Variants in RASA4 observed in about 807,000 individuals in gnomAD.
RASA4 encodes the protein RAS p21 protein activator 4.
In RASA4, 5 loss-of-function variants were observed where a neutral mutation model predicts 24.0. That is an observed-to-expected ratio of 0.21 (90% CI 0.11 to 0.44). The LOEUF (loss-of-function observed/expected upper bound fraction) is 0.44. Among genes scored for constraint, RASA4 ranks in the 20% least tolerant of loss-of-function variants. RASA4 has a pLI of 0.99. For missense variants in RASA4, 38 were observed against 293.0 expected (o/e 0.13, Z 6.35); for synonymous variants, 9 against 132.7 (o/e 0.07, Z 6.41).
At chr7:102,590,854 C>T (rs1428939199) in intron 16 of RASA4, among the ~76,000 whole-genome samples, 3 of 139,622 alleles carry the variant, frequency 2.1e-5, no homozygotes, top group East Asian at 2.2e-4. Flanking sequence ...GCAGGAGAAT[C>T]GCTTGAACCC....
intron 5 of RASA4, among the ~76,000 whole-genome samples, chr7:102,603,556 T>C (rs1313755519): frequency 2.3e-4 from 35 of 151,756 alleles, no homozygotes; most frequent in African/African-American, 8.3e-4. Context: ...AGTGAGCCAC[T>C]GCACCCTGCC....
intron 16 of RASA4, among the ~76,000 whole-genome samples, chr7:102,591,665 CCT>C (rs768044040): frequency 3.6e-3 from 521 of 144,450 alleles, no homozygotes; most frequent in Middle Eastern, 7.0e-3. Flanking sequence ...GGAAGCCTCC[CCT>C]GTTTGCCCTA....
intron 2 of RASA4, among the ~76,000 whole-genome samples, chr7:102,610,676 G>A (rs1406816505): frequency 8.6e-5 from 13 of 151,902 alleles, no homozygotes; most frequent in African/African-American, 3.1e-4. Flanking sequence ...TGTGACCTTG[G>A]CCAGGGTAGT....
chr7:102,591,678 G>A (rs1200941930), intron 16 of RASA4, among the ~76,000 whole-genome samples: 17 of 146,266 alleles, frequency 1.2e-4, no homozygotes, highest in African/African-American at 4.2e-4. Flanking sequence ...GTTTGCCCTA[G>A]CCTCCTACTC....
At chr7:102,602,968 T>TG (rs1790426135) in intron 5 of RASA4, among the ~76,000 whole-genome samples, 1 of 148,734 alleles carries the variant, frequency 6.7e-6, no homozygotes. Context: ...CTCCAGCTTT[T>TG]TTTTTTTTTT....
chr7:102,590,746 G>A (rs1789941755), intron 16 of RASA4, among the ~76,000 whole-genome samples: 1 of 145,646 alleles, frequency 6.9e-6, no homozygotes, highest in Non-Finnish European at 1.5e-5. Flanking sequence ...TTCGAGACCA[G>A]CCTGACAAAC....
chr7:102,590,729 T>G (rs1174468163), intron 16 of RASA4, among the ~76,000 whole-genome samples: 1 of 145,374 alleles, frequency 6.9e-6, no homozygotes, highest in African/African-American at 2.7e-5. Flanking sequence ...TCACCTGAGG[T>G]TGGGAGTTCG....
chr7:102,591,934 A>G (rs1387737562), intron 16 of RASA4, among the ~76,000 whole-genome samples: 1 of 152,250 alleles, frequency 6.6e-6, no homozygotes, highest in African/African-American at 2.4e-5. Flanking sequence ...CCCAGGTTCA[A>G]GCGATTCCCG....
intron 18 of RASA4, among the ~76,000 whole-genome samples, chr7:102,585,865 T>G (rs879740590): frequency 0.036 from 5,046 of 140,512 alleles, 2 homozygotes; most frequent in African/African-American, 0.12. Flanking sequence ...TTGTTTTTTT[T>G]TTTTTGAGAT....
intron 8 of RASA4, 147 bp downstream of exon 8, chr7:102,599,713 G>A: frequency 3.5e-6 from 1 of 286,568 alleles, no homozygotes; most frequent in Non-Finnish European, 6.5e-6. Flanking sequence ...TGCTGGCTAG[G>A]TGGGCAGGGG....
intron 16 of RASA4, among the ~76,000 whole-genome samples, chr7:102,590,680 C>G (rs1789936902): frequency 7.0e-6 from 1 of 143,740 alleles, no homozygotes; most frequent in Non-Finnish European, 1.5e-5. Flanking sequence ...GTGGCTCACA[C>G]ATGTAATCCC....
chr7:102,596,235 T>C, intron 8 of RASA4, 106 bp from the exon 9 acceptor site: 2 of 1,284,782 alleles, frequency 1.6e-6, no homozygotes, highest in East Asian at 2.5e-5. Flanking sequence ...TTCCCATCTC[T>C]CTGCTCATGC....
At chr7:102,585,857 GTT>G (rs1214496763) in intron 18 of RASA4, among the ~76,000 whole-genome samples, 1 of 131,082 alleles carries the variant, frequency 7.6e-6, no homozygotes, top group Admixed American at 7.4e-5. Flanking sequence ...TTGTTTTTTT[GTT>G]TTTTTTTTTT....
chr7:102,590,912 C>G (rs1220407106), intron 16 of RASA4, among the ~76,000 whole-genome samples: 2 of 144,952 alleles, frequency 1.4e-5, no homozygotes. Context: ...TGCACTCTGG[C>G]CTGGGCAACA....
intron 5 of RASA4, among the ~76,000 whole-genome samples, chr7:102,602,992 G>T (rs1236618246): frequency 6.6e-6 from 1 of 150,426 alleles, no homozygotes; most frequent in Non-Finnish European, 1.5e-5. Context: ...ACGGAGTCTC[G>T]CTCTGTCGCC....
In RASA4 at chr7:102,600,239, C is replaced by CG. The variant is rs1405803020; in HGVS notation, c.642+17dup. On this transcript the variant is annotated intron_variant, in intron 7 of 20. Transcript: ENST00000262940. The stretch of plus-strand genomic sequence containing the variant: ...CAGCCTGCCGGGGGAGGAGGGGGGG[C>CG]GGGGCGGTGGTGCTCACTTTGCCCA... 0.5 allele frequency: 1 copy of CG among 2 alleles called. No individual in the cohort carries two copies. The highest frequency in any genetic ancestry group is 0.5 in the Non-Finnish European group (1 of 2). The allele number at this position is 2 out of a possible 1,614,324, so 0.0% of individuals were successfully genotyped here.
intron 17 of RASA4, among the ~76,000 whole-genome samples, chr7:102,588,032 C>CT (rs1302402549): frequency 1.6e-4 from 1 of 6,370 alleles, no homozygotes; most frequent in Non-Finnish European, 2.7e-4. Context: ...TGGCTAATTC[C>CT]TTTTTTTTAG....
At chr7:102,585,788 AGC>A (rs1388379781) in intron 18 of RASA4, among the ~76,000 whole-genome samples, 1 of 132,802 alleles carries the variant, frequency 7.5e-6, no homozygotes, top group Non-Finnish European at 1.6e-5. Flanking sequence ...AGCCACATGA[AGC>A]TATTTGAGTT....
intron 1 of RASA4, among the ~76,000 whole-genome samples, chr7:102,614,087 C>G (rs1376370950): frequency 6.7e-6 from 1 of 148,480 alleles, no homozygotes; most frequent in African/African-American, 2.5e-5. Context: ...CAGAAGTATG[C>G]AAGCCCTGGC....
Sources: allele counts gnomAD v4.1 joint callset (sites outside exome capture counted in the v4.1 genomes callset), GRCh38; gene constraint gnomAD v4.1.1; transcripts MANE v1.5; gene names NCBI Gene and HGNC (gene_info 2026-07-23, HGNC 2026-07-21).